Variants in LCK observed in about 807,000 individuals in gnomAD.
The protein encoded by LCK is tyrosine-protein kinase Lck.
A neutral mutation model predicts 64.6 loss-of-function variants in LCK; 14 were observed. That is an observed-to-expected ratio of 0.22 (90% CI 0.14 to 0.34). LCK has a LOEUF of 0.34. LCK is among the 10% of genes least tolerant of loss of function. The pLI is 1.00. For synonymous variants in LCK, 277 were observed against 263.6 expected (o/e 1.05, Z -0.49); for missense variants, 434 against 668.1 (o/e 0.65, Z 3.86).
At chr1:32,253,588 T>C (rs1041560549) in intron 1 of LCK, among the ~76,000 whole-genome samples, 4 of 152,066 alleles carry the variant, frequency 2.6e-5, no homozygotes, top group Admixed American at 1.3e-4. Flanking sequence ...GGCCAGCACA[T>C]AGTAGGTGTT....
Position 32,276,318 on chromosome 1 carries a change from C to A in LCK, c.632-19C>A. 1 of 1,541,170 alleles carries A rather than the reference C, an allele frequency of 6.5e-7. No homozygotes were observed. Among genetic ancestry groups the A allele is most frequent in the Non-Finnish European group, 8.7e-7 (1 of 1,146,554 alleles). On this transcript the variant is annotated intron_variant, in intron 7 of 12. Transcript: ENST00000336890. The surrounding 1 kb of genome is among the most constrained non-coding windows in gnomAD (Gnocchi z 4.6). ...GGCCTGCCCTATTGACAGCCTTCAC[C>A]CCTCCCTCGTCCTCGCAGATGCTTC...
At position 32,276,814 on chromosome 1, in the gene LCK, G is replaced by A. The variant is rs536270056; in HGVS notation, c.964+28G>A. ...GGGTGCTACCCGAGTCGGCTACCAGGGGATACTGCTCTCCCTGCTGTCCCT... is the reference window on the plus strand; with the variant it reads ...GGGTGCTACCCGAGTCGGCTACCAGAGGATACTGCTCTCCCTGCTGTCCCT... On this transcript the variant is annotated intron_variant, in intron 9 of 12. Coordinates refer to ENST00000336890, the MANE Select transcript of LCK (RefSeq NM_005356.5). The surrounding 1 kb of genome is among the most constrained non-coding windows in gnomAD (Gnocchi z 4.6). 6.4e-7 allele frequency: 1 copy of A among 1,561,152 alleles called. No homozygotes were observed. The highest frequency in any genetic ancestry group is 1.4e-5 in the African/African-American group (1 of 73,968).
intron 12 of LCK, among the ~76,000 whole-genome samples, chr1:32,282,022 AT>A (rs1272824672): frequency 6.6e-6 from 1 of 152,186 alleles, no homozygotes; most frequent in Non-Finnish European, 1.5e-5. Flanking sequence ...GTGAGCTGAG[AT>A]CATGCCACCG....
At chr1:32,272,082 G>A (rs1256269644) in intron 1 of LCK, among the ~76,000 whole-genome samples, 2 of 151,996 alleles carry the variant, frequency 1.3e-5, no homozygotes, top group African/African-American at 2.4e-5. Context: ...CCAGGAGTTC[G>A]AGACCAGCCT....
Position 32,285,816 on chromosome 1 carries a change from A to T in LCK, c.*100A>T. 7.9e-7 allele frequency: 1 copy of T among 1,258,468 alleles called. No homozygotes were observed. The highest frequency in any genetic ancestry group is 1.1e-6 in the Non-Finnish European group (1 of 894,554). The allele number at this position is 1,258,468 out of a possible 1,614,324, so 78.0% of individuals were successfully genotyped here. On this transcript the variant is annotated 3_prime_UTR_variant, in exon 13 of 13. Transcript: ENST00000336890. ...AGTCACATGGCCTATGCACATATGG[A>T]CTCTGCACATGAATCCCACCCACAT...
intron 1 of LCK, among the ~76,000 whole-genome samples, chr1:32,263,247 G>C (rs915770687): frequency 9.2e-5 from 14 of 151,594 alleles, no homozygotes; most frequent in African/African-American, 3.4e-4. Context: ...ATAAAAATTA[G>C]CGGGCATGGT....
Position 32,276,948 on chromosome 1 carries a change from C to T in LCK, c.964+162C>T, listed in dbSNP as rs968328919. 2.2e-5 allele frequency: 15 copies of T among 684,478 alleles called. No individual in the cohort carries two copies. Among genetic ancestry groups the T allele is most frequent in the Non-Finnish European group, 3.4e-5 (15 of 441,108 alleles). The allele number at this position is 684,478 out of a possible 1,614,324, so 42.4% of individuals were successfully genotyped here. A position where few individuals can be genotyped will look rare whatever the true frequency, so the allele number is the denominator to read the frequency against. ...TCACCTCCAGCCGGGCGCGGTGGCT[C>T]AGGCCTGTAATCCCAGCACTTTGGG... is the stretch of plus-strand genomic sequence containing the variant. On this transcript the variant is annotated intron_variant, in intron 9 of 12. Transcript: ENST00000336890. The surrounding 1 kb of genome is among the most constrained non-coding windows in gnomAD (Gnocchi z 4.6).
intron 1 of LCK, among the ~76,000 whole-genome samples, chr1:32,273,556 C>T (rs991956093): frequency 6.6e-5 from 10 of 152,030 alleles, no homozygotes; most frequent in African/African-American, 2.4e-4. Flanking sequence ...GAAGGAGGAG[C>T]TGCAGGGACT....
chr1:32,283,122 C>T (rs1447799620), intron 12 of LCK, among the ~76,000 whole-genome samples: 4 of 151,754 alleles, frequency 2.6e-5, no homozygotes, highest in Admixed American at 2.6e-4. Context: ...AACCCCATCT[C>T]TACTAAAAAT....
rs1421255548 is a variant in LCK at position 32,275,347 on chromosome 1, C to G, written c.305C>G (p.Ser102Cys). ...EQSGEWWKAQ[S>C]LTTGQEGFIP... ...AGCGGCGAGTGGTGGAAGGCGCAGT[C>G]CCTGACCACGGGCCAGGAAGGCTTC... Residue 102 changes from serine (S) to cysteine (C), a missense_variant, in exon 5 of 13, where the codon TCC becomes TGC. Ser to Cys is a moderately radical substitution (Grantham distance 112). This residue lies in a region of LCK where 233 missense variants were observed against 291.2 expected (regional missense o/e 0.80). Coordinates refer to ENST00000336890, the MANE Select transcript of LCK (RefSeq NM_005356.5). This position sits in a 1 kb window ranked among gnomAD's most constrained non-coding sequence, Gnocchi z 6.9. 1 of 1,614,078 alleles carries G rather than the reference C, an allele frequency of 6.2e-7. No individual in the cohort carries two copies. Among genetic ancestry groups the G allele is most frequent in the Non-Finnish European group, 8.5e-7 (1 of 1,180,046 alleles).
rs1640597416 is a variant in LCK, at chr1:32,285,790, T to C, written c.*74T>C. On this transcript the variant is annotated 3_prime_UTR_variant, in exon 13 of 13. Coordinates refer to ENST00000336890, the MANE Select transcript of LCK (RefSeq NM_005356.5). Reference sequence around the variant, plus strand: ...TTGGGGAGATGGAGTTCTTGTGCCATAGTCACATGGCCTATGCACATATGG... The same window carrying C: ...TTGGGGAGATGGAGTTCTTGTGCCACAGTCACATGGCCTATGCACATATGG... The C allele has an allele frequency of 6.2e-6, 9 of 1,454,378 alleles. No individual in the cohort carries two copies. The highest frequency in any genetic ancestry group is 1.2e-5 in the South Asian group (1 of 82,018). The allele number at this position is 1,454,378 out of a possible 1,614,324, so 90.1% of individuals were successfully genotyped here. A position where few individuals can be genotyped will look rare whatever the true frequency, so the allele number is the denominator to read the frequency against.
In LCK at chr1:32,276,937, G is replaced by A. The variant is rs1035928786; in HGVS notation, c.964+151G>A. On this transcript the variant is annotated intron_variant, in intron 9 of 12. Coordinates refer to ENST00000336890, the MANE Select transcript of LCK (RefSeq NM_005356.5). This position sits in a 1 kb window ranked among gnomAD's most constrained non-coding sequence, Gnocchi z 4.6. Reference sequence around the variant, plus strand: ...CCCCTGGAGACTCACCTCCAGCCGGGCGCGGTGGCTCAGGCCTGTAATCCC... The same window carrying A: ...CCCCTGGAGACTCACCTCCAGCCGGACGCGGTGGCTCAGGCCTGTAATCCC... 1 of 792,278 alleles carries A rather than the reference G, an allele frequency of 1.3e-6. No individual in the cohort carries two copies. Among genetic ancestry groups the A allele is most frequent in the Non-Finnish European group, 1.9e-6 (1 of 535,640 alleles). The allele number at this position is 792,278 out of a possible 1,614,324, so 49.1% of individuals were successfully genotyped here. A position where few individuals can be genotyped will look rare whatever the true frequency, so the allele number is the denominator to read the frequency against.
At chr1:32,256,715 G>C (rs1450552525) in intron 1 of LCK, among the ~76,000 whole-genome samples, 1 of 152,124 alleles carries the variant, frequency 6.6e-6, no homozygotes, top group Non-Finnish European at 1.5e-5. Flanking sequence ...CAATAGGCCA[G>C]CTCCTTTAAT....
intron 12 of LCK, 38 bp downstream of exon 12, chr1:32,280,248 A>G: frequency 6.2e-7 from 1 of 1,611,444 alleles, no homozygotes; most frequent in Admixed American, 1.7e-5. Flanking sequence ...GGTGATGGGA[A>G]GGGCAAGTCC....
Position 32,275,777 on chromosome 1 carries a change from G to C in LCK, c.481+105G>C. On this transcript the variant is annotated intron_variant, in intron 6 of 12. Transcript: ENST00000336890. This position sits in a 1 kb window ranked among gnomAD's most constrained non-coding sequence, Gnocchi z 6.9. ...GGAGACACGGGGTGAGTCGGAGGGG[G>C]ACGCGGGATGAGCCCGAGGTGGGGG... is the stretch of plus-strand genomic sequence containing the variant. The C allele has an allele frequency of 7.1e-7, 1 of 1,401,106 alleles. No individual in the cohort carries two copies. The highest frequency in any genetic ancestry group is 1.3e-5 in the South Asian group (1 of 77,018). 86.8% of individuals were successfully genotyped at this position (1,401,106 alleles called of 1,614,324 possible).
intron 12 of LCK, among the ~76,000 whole-genome samples, chr1:32,282,156 G>A (rs1332855967): frequency 6.6e-6 from 1 of 152,226 alleles, no homozygotes; most frequent in Non-Finnish European, 1.5e-5. Context: ...CCAGCGTCCA[G>A]GGGTAGTGCT....
intron 3 of LCK, 35 bp from the exon 4 acceptor site, chr1:32,274,958 A>T (rs1640211137): frequency 6.2e-7 from 1 of 1,613,736 alleles, no homozygotes; most frequent in South Asian, 1.1e-5. Flanking sequence ...TGCCGATCCC[A>T]GCTCGGTTCT....
chr1:32,285,717 G>A lies in LCK; in HGVS notation c.*1G>A. On this transcript the variant is annotated 3_prime_UTR_variant, in exon 13 of 13. Coordinates refer to ENST00000336890, the MANE Select transcript of LCK (RefSeq NM_005356.5). Reference sequence around the variant, plus strand: ...GGGCCAGTACCAGCCTCAGCCTTGAGAGGCCTTGAGAGGCCCTGGGGTTCT... The same window carrying A: ...GGGCCAGTACCAGCCTCAGCCTTGAAAGGCCTTGAGAGGCCCTGGGGTTCT... 1 of 1,581,136 alleles carries A rather than the reference G, an allele frequency of 6.3e-7. No individual in the cohort carries two copies. The highest frequency in any genetic ancestry group is 8.6e-7 in the Non-Finnish European group (1 of 1,163,388).
At chr1:32,274,057 T>C in intron 1 of LCK, 1 of 547,862 alleles carries the variant, frequency 1.8e-6, no homozygotes, top group South Asian at 2.1e-5. Flanking sequence ...CAAAGGTGCC[T>C]GTGGCGGTTT....
Sources: gnomAD v4.1 joint callset for allele counts (sites outside exome capture counted in the v4.1 genomes callset) on GRCh38, gnomAD v4.1.1 for gene constraint, gnomAD v4.1.1 regional missense constraint, Gnocchi (gnomAD v3.1) non-coding constraint, MANE v1.5 for transcripts, NCBI Gene and HGNC (gene_info 2026-07-23, HGNC 2026-07-21) for gene names.